GRIK4: variants seen among roughly 807,000 people sequenced by gnomAD.
The protein encoded by GRIK4 is glutamate ionotropic receptor kainate type subunit 4, also known as glutamate receptor ionotropic, kainate 4.
In GRIK4, 40 loss-of-function variants were observed where a neutral mutation model predicts 104.9. The ratio of observed to expected loss-of-function variants is 0.38; its 90% CI spans 0.30 to 0.50. GRIK4 has a LOEUF of 0.50. Among genes scored for constraint, GRIK4 ranks in the 20% least tolerant of loss-of-function variants. GRIK4 has a pLI of 0.93. For missense variants in GRIK4, 1,047 were observed against 1,308.1 expected, an observed-to-expected ratio of 0.80 and a Z score of 3.08; for synonymous variants, 485 against 524.9, an observed-to-expected ratio of 0.92 and a Z score of 1.04.
At chr11:120,817,875 G>A (rs1953002150) in intron 5 of GRIK4, among the ~76,000 whole-genome samples, 1 of 152,210 alleles carries the variant, frequency 6.6e-6, no homozygotes, top group South Asian at 2.1e-4. Context: ...GGGGAGGAAG[G>A]AGAAAGAGCC....
At chr11:120,518,977 A>G (rs1366421269) in intron 1 of GRIK4, among the ~76,000 whole-genome samples, 2 of 152,196 alleles carry the variant, frequency 1.3e-5, no homozygotes, top group Non-Finnish European at 2.9e-5. Context: ...GTGCTGGAAA[A>G]GAGATGCTTC....
chr11:120,780,683 A>G (rs1177308205), intron 3 of GRIK4, among the ~76,000 whole-genome samples: 1 of 152,002 alleles, frequency 6.6e-6, no homozygotes, highest in African/African-American at 2.4e-5. Flanking sequence ...TTCTATTTCT[A>G]ATTTTTTGAG....
At chr11:120,558,524 G>A (rs1948208885) in intron 1 of GRIK4, among the ~76,000 whole-genome samples, 1 of 152,026 alleles carries the variant, frequency 6.6e-6, no homozygotes, top group South Asian at 2.1e-4. Flanking sequence ...GGATGCAGAG[G>A]TTGCAGTGAG....
At chr11:120,697,954 G>A (rs181113864) in intron 3 of GRIK4, among the ~76,000 whole-genome samples, 6 of 152,218 alleles carry the variant, frequency 3.9e-5, no homozygotes, top group Admixed American at 2.6e-4. Flanking sequence ...GCTCATAGAA[G>A]AGGCCACTAT....
At position 120,967,597 on chromosome 11, in the gene GRIK4, C is replaced by T. The variant is rs1341700718; in HGVS notation, c.2395+274C>T. Among the ~76,000 whole-genome samples the T allele has an allele frequency of 2.0e-5, 3 of 152,190 alleles. No homozygotes were observed. The highest frequency in any genetic ancestry group is 2.0e-4 in the Admixed American group (3 of 15,290). On this transcript the variant is annotated intron_variant, in intron 19 of 20. Coordinates refer to ENST00000527524, the MANE Select transcript of GRIK4 (RefSeq NM_014619.5). This position sits in a 1 kb window ranked among gnomAD's most constrained non-coding sequence, Gnocchi z 4.2. ...CTGCCTCTGACCCCTAGCACCATGG[C>T]TTCTACCCTGGCCCATCATCTCCAC... is the stretch of plus-strand genomic sequence containing the variant.
chr11:120,919,650 C>T (rs896170178), intron 13 of GRIK4, among the ~76,000 whole-genome samples: 7 of 151,946 alleles, frequency 4.6e-5, no homozygotes, highest in Non-Finnish European at 7.4e-5. Flanking sequence ...GGATGGATGG[C>T]GTGGGAAAGA....
At chr11:120,629,609 C>G (rs763940178) in intron 1 of GRIK4, among the ~76,000 whole-genome samples, 1 of 152,028 alleles carries the variant, frequency 6.6e-6, no homozygotes, top group Non-Finnish European at 1.5e-5. Flanking sequence ...AATCCCTGTC[C>G]CCAAGCAGAG....
At chr11:120,817,781 C>T (rs1952998860) in intron 5 of GRIK4, among the ~76,000 whole-genome samples, 1 of 152,208 alleles carries the variant, frequency 6.6e-6, no homozygotes, top group Non-Finnish European at 1.5e-5. Flanking sequence ...GAGACTGTGC[C>T]GAAGGCTCCC....
intron 3 of GRIK4, among the ~76,000 whole-genome samples, chr11:120,783,941 A>G (rs951633895): frequency 6.6e-6 from 1 of 152,216 alleles, no homozygotes; most frequent in African/African-American, 2.4e-5. Context: ...AGACTTCGGC[A>G]GACGACTAAG....
intron 1 of GRIK4, among the ~76,000 whole-genome samples, chr11:120,540,841 G>A (rs1948026480): frequency 6.6e-6 from 1 of 152,076 alleles, no homozygotes; most frequent in African/African-American, 2.4e-5. Context: ...GCCAGGCACG[G>A]TGGCTCATGC....
At chr11:120,784,230 G>A (rs189047092) in intron 3 of GRIK4, among the ~76,000 whole-genome samples, 4 of 152,284 alleles carry the variant, frequency 2.6e-5, no homozygotes, top group East Asian at 1.9e-4. Context: ...CGGAACCCCC[G>A]TGTCCTCCTG....
At chr11:120,799,248 A>G (rs1591928948) in intron 3 of GRIK4, among the ~76,000 whole-genome samples, 1 of 152,298 alleles carries the variant, frequency 6.6e-6, no homozygotes, top group South Asian at 2.1e-4. Context: ...CAGTGAGCTC[A>G]TTTGGCCCAA....
At chr11:120,637,343 A>G (rs1290035577) in intron 1 of GRIK4, among the ~76,000 whole-genome samples, 3 of 151,816 alleles carry the variant, frequency 2.0e-5, no homozygotes, top group Non-Finnish European at 3.0e-5. Context: ...CCCTGGTGGG[A>G]CAGGCTTGTT....
At chr11:120,958,146 G>T (rs732481) in intron 16 of GRIK4, among the ~76,000 whole-genome samples, 67,164 of 152,124 alleles carry the variant, frequency 0.44, 16,099 homozygotes, top group East Asian at 0.66. Context: ...TCTCCCTGGG[G>T]CTTTTCCTTC....
chr11:120,768,031 G>GTTT (rs111604415), intron 3 of GRIK4, among the ~76,000 whole-genome samples: 124 of 141,712 alleles, frequency 8.8e-4, no homozygotes, highest in African/African-American at 3.1e-3. Flanking sequence ...GATATTAAGG[G>GTTT]TTTTTTTTTT....
Position 120,699,530 on chromosome 11 carries a change from GGTGTGTGTAT to G in GRIK4, c.82+39139_82+39148del, listed in dbSNP as rs1234547947. On this transcript the variant is annotated intron_variant, in intron 3 of 20. Transcript: ENST00000527524. ...CATGAGGAATATAAACAGTAAGTCA[GGTGTGTGTAT>G]GTGTGTGTGTGTGTGTGTGTGTGTG... 2.6e-3 allele frequency among the ~76,000 whole-genome samples: 357 copies of G among 135,056 alleles called. 3 individuals carry two copies. The South Asian group carries it at 0.027, about 10-fold the overall frequency. The allele number at this position is 135,056 out of a possible 152,430, so 88.6% of individuals were successfully genotyped here.
chr11:120,890,084 C>G (rs1177777299), intron 11 of GRIK4, among the ~76,000 whole-genome samples: 1 of 152,044 alleles, frequency 6.6e-6, no homozygotes, highest in Non-Finnish European at 1.5e-5. Context: ...GACTTCTGGC[C>G]GGCTGCATTC....
chr11:120,734,464 A>T (rs1336100747), intron 3 of GRIK4, among the ~76,000 whole-genome samples: 1 of 151,904 alleles, frequency 6.6e-6, no homozygotes, highest in Non-Finnish European at 1.5e-5. Flanking sequence ...TGCTTTTAGG[A>T]TCCTTTCTTT....
At chr11:120,836,662 A>G (rs1953581910) in intron 7 of GRIK4, 129 bp from the exon 8 acceptor site, 2 of 704,310 alleles carry the variant, frequency 2.8e-6, no homozygotes, top group Admixed American at 2.0e-5. Flanking sequence ...ACTAATCAAG[A>G]TGTTCTGTTC....
Sources: allele counts gnomAD v4.1 joint callset (sites outside exome capture counted in the v4.1 genomes callset), GRCh38; gene constraint gnomAD v4.1.1; non-coding constraint Gnocchi (gnomAD v3.1); transcripts MANE v1.5; gene names NCBI Gene and HGNC (gene_info 2026-07-23, HGNC 2026-07-21).